The following TBC1D16 variants were observed in gnomAD, a reference collection of about 807,000 sequenced individuals.
TBC1D16 encodes the protein CTD-2529O21.1.
TBC1D16 carries 58 observed loss-of-function variants against 74.7 expected under a neutral mutation model. The ratio of observed to expected loss-of-function variants is 0.78; its 90% CI spans 0.63 to 0.97. The LOEUF (loss-of-function observed/expected upper bound fraction) is 0.97. TBC1D16 is among the 50% of genes least tolerant of loss of function. The pLI is 0.00. For synonymous variants in TBC1D16, 493 were observed against 474.7 expected (o/e 1.04, Z -0.50); for missense variants, 1,014 against 1,079.5 (o/e 0.94, Z 0.85).
chr17:80,023,386 C>T (rs2036352209), intron 1 of TBC1D16, among the ~76,000 whole-genome samples: 1 of 149,964 alleles, frequency 6.7e-6, no homozygotes, highest in African/African-American at 2.5e-5. Context: ...CACAGCCCTC[C>T]ATGCCCTCCT....
intron 9 of TBC1D16, among the ~76,000 whole-genome samples, chr17:79,946,513 G>A (rs1370655935): frequency 5.9e-5 from 9 of 152,210 alleles, no homozygotes; most frequent in Admixed American, 3.3e-4. Flanking sequence ...GACACACTCC[G>A]TGGCCTGGGG....
rs3751947 is a variant in TBC1D16, at chr17:79,940,313, G to A, written c.*546C>T. On this transcript the variant is annotated 3_prime_UTR_variant, in exon 12 of 12. Transcript: ENST00000310924. This position sits in a 1 kb window ranked among gnomAD's most constrained non-coding sequence, Gnocchi z 5.4. ...TTTTATGGCAGATGCCTTTCCATCG[G>A]CATCCCAGCTGTGGCTGGGGACGTT... 0.14 allele frequency: 22,079 copies of A among 152,306 alleles called. 1,808 individuals are homozygous for A. The highest frequency in any genetic ancestry group is 0.23 in the Middle Eastern group (68 of 294). The allele number at this position is 152,306 out of a possible 1,614,324, so 9.4% of individuals were successfully genotyped here.
intron 1 of TBC1D16, among the ~76,000 whole-genome samples, chr17:80,016,347 G>A (rs895785588): frequency 2.0e-5 from 3 of 151,990 alleles, no homozygotes; most frequent in Non-Finnish European, 2.9e-5. Context: ...CAGTGGCGGC[G>A]GCTCTACAAC....
intron 6 of TBC1D16, 105 bp from the exon 7 acceptor site, chr17:79,949,970 T>G: frequency 7.3e-7 from 1 of 1,363,816 alleles, no homozygotes; most frequent in Non-Finnish European, 1.0e-6. Flanking sequence ...GCGCCTTGAT[T>G]CAGATCTCTG....
chr17:79,981,673 C>T lies in TBC1D16; in HGVS notation c.779+28487G>A, dbSNP rs1421833396. Among the ~76,000 whole-genome samples, 1 of 152,254 alleles carries T rather than the reference C, an allele frequency of 6.6e-6. No individual in the cohort carries two copies. Among genetic ancestry groups the T allele is most frequent in the East Asian group, 1.9e-4 (1 of 5,196 alleles). On this transcript the variant is annotated intron_variant, in intron 3 of 11. Transcript: ENST00000310924. This position sits in a 1 kb window ranked among gnomAD's most constrained non-coding sequence, Gnocchi z 6.9. ...CCTCCAAAGCTGGGAGGGCTACAGT[C>T]AAAGAAGCACCTCCCACACCGGAGG...
Position 80,023,666 on chromosome 17 carries a change from C to CT in TBC1D16, c.-62-10058_-62-10057insA, listed in dbSNP as rs765410417. Reference sequence around the variant, plus strand: ...CGAGAACTGCTGCCGGGCCCCCCCCCACCGGCTCAGGGCGTGGCTGGGGTG... The same window carrying CT: ...CGAGAACTGCTGCCGGGCCCCCCCCCTACCGGCTCAGGGCGTGGCTGGGGTG... On this transcript the variant is annotated intron_variant, in intron 1 of 11. Transcript: ENST00000310924. 2.0e-4 allele frequency among the ~76,000 whole-genome samples: 29 copies of CT among 144,562 alleles called. 3 individuals are homozygous for CT. Among genetic ancestry groups the CT allele is most frequent in the East Asian group, 8.1e-4 (4 of 4,962 alleles). The allele number at this position is 144,562 out of a possible 152,430, so 94.8% of individuals were successfully genotyped here.
intron 1 of TBC1D16, among the ~76,000 whole-genome samples, chr17:80,031,876 AAGCTTCTCAGCATCTGTC>A (rs1268022061): frequency 6.6e-6 from 1 of 152,202 alleles, no homozygotes; most frequent in Non-Finnish European, 1.5e-5. Context: ...TGGAGGCCTA[AAGCTTCTCAGCATCTGTC>A]AGTGAAGGAG....
Position 79,950,912 on chromosome 17 carries a change from G to T in TBC1D16, c.1090-334C>A. ...GGAGGGCCTGCAATGAATTACATGT[G>T]ATTGGCCACATACAAAGGGATCGCT... On this transcript the variant is annotated intron_variant, in intron 5 of 11. Coordinates refer to ENST00000310924, the MANE Select transcript of TBC1D16 (RefSeq NM_019020.4). The surrounding 1 kb of genome is among the most constrained non-coding windows in gnomAD (Gnocchi z 4.6). 7.1e-7 allele frequency: 1 copy of T among 1,400,342 alleles called. No individual in the cohort carries two copies. The highest frequency in any genetic ancestry group is 9.5e-7 in the Non-Finnish European group (1 of 1,048,524). 86.7% of individuals were successfully genotyped at this position (1,400,342 alleles called of 1,614,324 possible). A position where few individuals can be genotyped will look rare whatever the true frequency, so the allele number is the denominator to read the frequency against.
Position 79,949,760 on chromosome 17 carries a change from G to T in TBC1D16, c.1363C>A (p.Arg455=), listed in dbSNP as rs2032890353. ...GAGTACTCCTTTCGCTTCTGCAGCCGCAGCGCCTCCCGCTCCTCCGACGTG... is the reference window on the plus strand; with the variant it reads ...GAGTACTCCTTTCGCTTCTGCAGCCTCAGCGCCTCCCGCTCCTCCGACGTG... ...ESTSEEREAL[R]LQKRKEYSEI... is the part of the protein sequence containing the mutation. The change falls in exon 7 of 12, where the codon CGG becomes AGG. Residue 455 remains arginine, a synonymous_variant. Transcript: ENST00000310924. 2 of 1,613,402 alleles carry T rather than the reference G, an allele frequency of 1.2e-6. No individual in the cohort carries two copies. Among genetic ancestry groups the T allele is most frequent in the African/African-American group, 1.3e-5 (1 of 75,034 alleles).
At chr17:79,973,188 C>T (rs1225988210) in intron 3 of TBC1D16, among the ~76,000 whole-genome samples, 1 of 152,212 alleles carries the variant, frequency 6.6e-6, no homozygotes, top group Non-Finnish European at 1.5e-5. Context: ...GTGCCAAAAC[C>T]TATAAATACT....
chr17:80,017,170 CA>C (rs2036116875), intron 1 of TBC1D16, among the ~76,000 whole-genome samples: 1 of 152,080 alleles, frequency 6.6e-6, no homozygotes, highest in Non-Finnish European at 1.5e-5. Flanking sequence ...ACTTGTTCTG[CA>C]AAAGGCCAGA....
chr17:80,003,534 T>C (rs1046400924), intron 3 of TBC1D16, among the ~76,000 whole-genome samples: 1 of 152,188 alleles, frequency 6.6e-6, no homozygotes, highest in African/African-American at 2.4e-5. Flanking sequence ...CAGTGGGAGA[T>C]GCTTAGCGTC....
chr17:79,978,860 A>C (rs552925817), intron 3 of TBC1D16, among the ~76,000 whole-genome samples: 2 of 152,330 alleles, frequency 1.3e-5, no homozygotes, highest in South Asian at 4.1e-4. Flanking sequence ...TAAATAAAGC[A>C]AAATAATTAA....
intron 1 of TBC1D16, among the ~76,000 whole-genome samples, chr17:80,016,886 T>C (rs1182604964): frequency 6.6e-6 from 1 of 152,208 alleles, no homozygotes; most frequent in Admixed American, 6.5e-5. Context: ...CCCATTCCCA[T>C]GTCTTTCCTC....
Position 79,956,008 on chromosome 17 carries a change from C to A in TBC1D16, c.780-3190G>T, listed in dbSNP as rs1043989896. On this transcript the variant is annotated intron_variant, in intron 3 of 11. Coordinates refer to ENST00000310924, the MANE Select transcript of TBC1D16 (RefSeq NM_019020.4). This position sits in a 1 kb window ranked among gnomAD's most constrained non-coding sequence, Gnocchi z 4.0. ...TAGGTGAGTTCTGGGGCCTAGGCAG[C>A]CCCTCACTCTTCCTCTTGGCACAGT... Among the ~76,000 whole-genome samples the A allele has an allele frequency of 2.8e-4, 42 of 152,176 alleles. No homozygotes were observed. Among genetic ancestry groups the A allele is most frequent in the Non-Finnish European group, 1.5e-5 (1 of 68,034 alleles).
rs547150663 is a variant in TBC1D16 at position 79,940,114 on chromosome 17, C to G, written c.*745G>C. On this transcript the variant is annotated 3_prime_UTR_variant, in exon 12 of 12. Coordinates refer to ENST00000310924, the MANE Select transcript of TBC1D16 (RefSeq NM_019020.4). The surrounding 1 kb of genome is among the most constrained non-coding windows in gnomAD (Gnocchi z 5.4). ...AGACCCCCAGCAAAGAAAAAGGCAT[C>G]AGATGCTTCTCCAACAGCCTGAGGC... 6.6e-6 allele frequency: 1 copy of G among 152,298 alleles called. No individual in the cohort carries two copies. Among genetic ancestry groups the G allele is most frequent in the African/African-American group, 2.4e-5 (1 of 41,554 alleles). The allele number at this position is 152,298 out of a possible 1,614,324, so 9.4% of individuals were successfully genotyped here.
chr17:79,969,303 T>C (rs1440930726), intron 3 of TBC1D16, among the ~76,000 whole-genome samples: 4 of 152,076 alleles, frequency 2.6e-5, no homozygotes, highest in Middle Eastern at 3.2e-3. Flanking sequence ...GGAGAATCGC[T>C]TGAACCTAGG....
chr17:79,949,126 C>T (rs1598330582), intron 7 of TBC1D16, 120 bp from the exon 8 acceptor site: 17 of 1,270,944 alleles, frequency 1.3e-5, no homozygotes, highest in Non-Finnish European at 1.8e-5. Context: ...GGGAGCTGGG[C>T]GGCTGCTGCC....
At chr17:79,953,720 A>C (rs1319555421) in intron 3 of TBC1D16, among the ~76,000 whole-genome samples, 3 of 151,472 alleles carry the variant, frequency 2.0e-5, no homozygotes, top group Admixed American at 6.6e-5. Flanking sequence ...GGATTCAGCC[A>C]CCTCACAGGT....
Sources: gnomAD v4.1 joint callset for allele counts (sites outside exome capture counted in the v4.1 genomes callset) on GRCh38, gnomAD v4.1.1 for gene constraint, Gnocchi (gnomAD v3.1) non-coding constraint, MANE v1.5 for transcripts, NCBI Gene and HGNC (gene_info 2026-07-23, HGNC 2026-07-21) for gene names.